GPRASP3: variants seen among roughly 807,000 people sequenced by gnomAD.
GPRASP3 encodes the protein G protein-coupled receptor associated sorting protein 3.
the GPRASP3 span, among the ~76,000 whole-genome samples, chrX:102,728,569 CTTTTTTT>C: frequency 6.5e-5 from 4 of 61,784 alleles, no homozygotes; most frequent in Non-Finnish European, 8.6e-5. Context: ...ATGTGCACTG[CTTTTTTT>C]TTTTTTTTTT....
chrX:102,741,827 G>T, the GPRASP3 span, among the ~76,000 whole-genome samples: 1 of 112,168 alleles, frequency 8.9e-6, no homozygotes, highest in African/African-American at 3.2e-5. Flanking sequence ...AACCATGCAA[G>T]TAAAGAAGAG....
chrX:102,726,731 G>A, the GPRASP3 span, among the ~76,000 whole-genome samples: 56 of 112,579 alleles, frequency 5.0e-4, 1 homozygote, highest in Non-Finnish European at 1.5e-4. Context: ...CTGAAAGCAG[G>A]TAACCTTTGA....
the GPRASP3 span, among the ~76,000 whole-genome samples, chrX:102,734,110 C>G: frequency 9.0e-6 from 1 of 111,195 alleles, no homozygotes; most frequent in South Asian, 3.8e-4. Flanking sequence ...GGTGCAATGT[C>G]ATCAGTTAAG....
chrX:102,738,074 G>C, the GPRASP3 span, among the ~76,000 whole-genome samples: 1 of 111,585 alleles, frequency 9.0e-6, no homozygotes. Context: ...CTGCACAGGG[G>C]TTCCAAGTCT....
At chrX:102,721,063 G>A in the GPRASP3 span, 1 of 111,577 alleles carries the variant, frequency 9.0e-6, no homozygotes, top group Non-Finnish European at 1.9e-5. Flanking sequence ...TCCCTGAGAG[G>A]TGGTGACTGA....
chrX:102,749,885 G>A, the GPRASP3 span: 18 of 1,207,068 alleles, frequency 1.5e-5, no homozygotes, highest in Non-Finnish European at 1.8e-5. Flanking sequence ...GAGATTAGAC[G>A]TCAAATCAGG....
At chrX:102,726,334 A>G in the GPRASP3 span, among the ~76,000 whole-genome samples, 3 of 112,636 alleles carry the variant, frequency 2.7e-5, no homozygotes, top group Non-Finnish European at 5.6e-5. Flanking sequence ...GTTATCAATA[A>G]AAGCATCCAT....
chrX:102,737,283 C>T, the GPRASP3 span, among the ~76,000 whole-genome samples: 1 of 112,074 alleles, frequency 8.9e-6, no homozygotes, highest in East Asian at 2.8e-4. Flanking sequence ...AGCCAAATAG[C>T]CAATACTTGT....
chrX:102,738,046 G>A, the GPRASP3 span, among the ~76,000 whole-genome samples: 2 of 111,644 alleles, frequency 1.8e-5, no homozygotes, highest in African/African-American at 6.5e-5. Flanking sequence ...AGACATAAGA[G>A]GCTAATCTGA....
At chrX:102,730,323 G>A in the GPRASP3 span, among the ~76,000 whole-genome samples, 4 of 112,025 alleles carry the variant, frequency 3.6e-5, no homozygotes, top group South Asian at 3.7e-4. Flanking sequence ...GTGATGGGGA[G>A]TGGCTGTATA....
chrX:102,740,148 C>T, the GPRASP3 span, among the ~76,000 whole-genome samples: 1 of 111,926 alleles, frequency 8.9e-6, no homozygotes. Flanking sequence ...TCTCATAAGC[C>T]TCCTATCTAG....
the GPRASP3 span, among the ~76,000 whole-genome samples, chrX:102,730,392 C>T: frequency 8.9e-6 from 1 of 112,642 alleles, no homozygotes; most frequent in African/African-American, 3.2e-5. Context: ...GACCCAGTTC[C>T]TAACAGGCCA....
the GPRASP3 span, among the ~76,000 whole-genome samples, chrX:102,743,182 C>CTT: frequency 1.3e-4 from 13 of 101,909 alleles, no homozygotes; most frequent in African/African-American, 4.6e-4. Context: ...ATGTATGTAG[C>CTT]TTTTTTTTTT....
the GPRASP3 span, chrX:102,750,713 A>G: frequency 1.2e-6 from 1 of 850,207 alleles, no homozygotes; most frequent in African/African-American, 2.0e-5. Context: ...TACACATTAT[A>G]CACTGCATCT....
At chrX:102,745,879 G>A in the GPRASP3 span, 2 of 111,684 alleles carry the variant, frequency 1.8e-5, no homozygotes, top group African/African-American at 6.5e-5. Flanking sequence ...CCCAGGCTGG[G>A]GCTCGTCATG....
chrX:102,743,834 T>A, the GPRASP3 span, among the ~76,000 whole-genome samples: 1 of 110,326 alleles, frequency 9.1e-6, no homozygotes, highest in African/African-American at 3.3e-5. Context: ...AGTTGGTGGG[T>A]CGAGGTGGAG....
the GPRASP3 span, among the ~76,000 whole-genome samples, chrX:102,722,207 T>C: frequency 3.6e-5 from 4 of 111,647 alleles, no homozygotes; most frequent in African/African-American, 1.3e-4. Context: ...TAGCTACTAG[T>C]TGGAAGTTCC....
the GPRASP3 span, among the ~76,000 whole-genome samples, chrX:102,742,522 C>G: frequency 1.8e-5 from 2 of 112,149 alleles, no homozygotes; most frequent in African/African-American, 6.5e-5. Flanking sequence ...CTTTGCAGAC[C>G]CTGCCTTCCT....
chrX:102,746,185 G>C, the GPRASP3 span: 1 of 111,613 alleles, frequency 9.0e-6, no homozygotes, highest in Admixed American at 9.4e-5. Context: ...GCAAGTGGGG[G>C]TGCGTGAGCT....
Sources: allele counts gnomAD v4.1 joint callset (sites outside exome capture counted in the v4.1 genomes callset), GRCh38; gene constraint gnomAD v4.1.1; transcripts MANE v1.5; gene names NCBI Gene and HGNC (gene_info 2026-07-23, HGNC 2026-07-21).